The following KIAA1671 variants were observed in gnomAD, a reference collection of about 807,000 sequenced individuals.
The protein encoded by KIAA1671 is uncharacterized protein KIAA1671.
A neutral mutation model predicts 131.2 loss-of-function variants in KIAA1671; 52 were observed. That is an observed-to-expected ratio of 0.40 (90% confidence interval 0.32 to 0.50). The LOEUF (loss-of-function observed/expected upper bound fraction) is 0.50, where lower values mean the gene tolerates loss of function less well. Among genes scored for constraint, KIAA1671 ranks in the 20% least tolerant of loss-of-function variants. KIAA1671 has a pLI of 0.73. For missense variants in KIAA1671, 2,360 were observed against 2,364.2 expected (o/e 1.00, Z 0.04); for synonymous variants, 1,003 against 961.6 (o/e 1.04, Z -0.80).
At chr22:25,107,819 G>A (rs1399444137) in intron 6 of KIAA1671, among the ~76,000 whole-genome samples, 1 of 152,000 alleles carries the variant, frequency 6.6e-6, no homozygotes, top group East Asian at 1.9e-4. Context: ...ACCAGCCTGG[G>A]CAACATGGTG....
At chr22:24,965,758 A>AAAAG (rs1353354542) in intron 1 of KIAA1671, among the ~76,000 whole-genome samples, 7 of 149,154 alleles carry the variant, frequency 4.7e-5, no homozygotes, top group Admixed American at 2.6e-4. Context: ...AAAAAAAAAA[A>AAAAG]AAAGAAAAGG....
chr22:25,179,719 GAC>G (rs1217314409), intron 9 of KIAA1671, among the ~76,000 whole-genome samples: 1 of 152,236 alleles, frequency 6.6e-6, no homozygotes, highest in African/African-American at 2.4e-5. Flanking sequence ...AGTTACAAGA[GAC>G]AGAGACATAG....
At chr22:25,151,533 G>A (rs1429514996) in intron 6 of KIAA1671, among the ~76,000 whole-genome samples, 2 of 149,392 alleles carry the variant, frequency 1.3e-5, no homozygotes, top group Non-Finnish European at 3.0e-5. Flanking sequence ...CTGGGTTCAA[G>A]CGATTCTCAT....
intron 7 of KIAA1671, among the ~76,000 whole-genome samples, chr22:25,172,129 AC>A (rs1352605171): frequency 6.6e-6 from 1 of 151,988 alleles, no homozygotes; most frequent in Non-Finnish European, 1.5e-5. Flanking sequence ...TATCTAGAAT[AC>A]CCCTGCAAGA....
chr22:25,184,962 C>T lies in KIAA1671; in HGVS notation c.5200-15C>T, dbSNP rs770635130. 2 of 1,551,096 alleles carry T rather than the reference C, an allele frequency of 1.3e-6. No individual in the cohort carries two copies. The highest frequency in any genetic ancestry group is 1.7e-6 in the Non-Finnish European group (2 of 1,147,040). On this transcript the variant is annotated splice_polypyrimidine_tract_variant and intron_variant, in intron 10 of 12. Transcript: ENST00000358431. Reference sequence around the variant, plus strand: ...CAAAGGGCAGCTTATAGACTCAGCTCTCTTTTCTCCCCAGGCTCAGCTGCA... The same window carrying T: ...CAAAGGGCAGCTTATAGACTCAGCTTTCTTTTCTCCCCAGGCTCAGCTGCA...
intron 4 of KIAA1671, among the ~76,000 whole-genome samples, chr22:25,037,648 G>C (rs111336112): frequency 0.023 from 3,478 of 151,882 alleles, 63 homozygotes; most frequent in Non-Finnish European, 0.035. Flanking sequence ...TTGTGTCCTC[G>C]TCTCCCATTC....
At chr22:24,989,041 A>G (rs1300758349) in intron 1 of KIAA1671, among the ~76,000 whole-genome samples, 1 of 152,064 alleles carries the variant, frequency 6.6e-6, no homozygotes, top group Non-Finnish European at 1.5e-5. Context: ...GGCCCAGTAC[A>G]CTCACCACTT....
chr22:25,017,565 G>A (rs1925396263), intron 1 of KIAA1671, among the ~76,000 whole-genome samples: 1 of 152,132 alleles, frequency 6.6e-6, no homozygotes, highest in Admixed American at 6.5e-5. Flanking sequence ...TCCTACGTCA[G>A]TTGCATGATA....
chr22:25,118,285 C>G (rs1451663042), intron 6 of KIAA1671, among the ~76,000 whole-genome samples: 7 of 152,044 alleles, frequency 4.6e-5, no homozygotes, highest in African/African-American at 1.7e-4. Context: ...CTGCCTCTAT[C>G]TTCATGTCAC....
intron 12 of KIAA1671, 113 bp downstream of exon 12, chr22:25,190,897 T>G: frequency 1.5e-6 from 1 of 662,732 alleles, no homozygotes. Flanking sequence ...GGAAAGAGGC[T>G]GTGTAAGGGG....
At chr22:25,144,384 A>C (rs1932847107) in intron 6 of KIAA1671, among the ~76,000 whole-genome samples, 1 of 152,052 alleles carries the variant, frequency 6.6e-6, no homozygotes, top group Admixed American at 6.6e-5. Flanking sequence ...CTGCAGATAC[A>C]CCTGGCTCCC....
At position 24,967,777 on chromosome 22, in the gene KIAA1671, G is replaced by A. The variant is rs535760545; in HGVS notation, c.-208+15005G>A. Among the ~76,000 whole-genome samples, 252 of 152,336 alleles carry A rather than the reference G, an allele frequency of 1.7e-3. 2 individuals carry two copies. The Middle Eastern group carries it at 0.02, about 12-fold the overall frequency. ...GGAGGCCAAGGTGGGCGGATCATGA[G>A]GTCAGGAGATCGAGACCATCCTGGC... On this transcript the variant is annotated intron_variant, in intron 1 of 12. Coordinates refer to ENST00000358431, the MANE Select transcript of KIAA1671 (RefSeq NM_001145206.2).
At chr22:25,069,666 A>G (rs1377217115) in intron 6 of KIAA1671, among the ~76,000 whole-genome samples, 5 of 152,038 alleles carry the variant, frequency 3.3e-5, no homozygotes, top group South Asian at 2.1e-4. Context: ...GGATGGCCAC[A>G]CCCTCCTTCT....
At chr22:25,143,354 T>C (rs1388752033) in intron 6 of KIAA1671, among the ~76,000 whole-genome samples, 1 of 152,222 alleles carries the variant, frequency 6.6e-6, no homozygotes, top group African/African-American at 2.4e-5. Flanking sequence ...GCTGAGCACA[T>C]GGCAGATGTG....
chr22:25,141,631 G>GA (rs1341613157), intron 6 of KIAA1671, among the ~76,000 whole-genome samples: 2 of 152,020 alleles, frequency 1.3e-5, no homozygotes, highest in Non-Finnish European at 2.9e-5. Flanking sequence ...GTAATCAGGG[G>GA]AAAAAACCCT....
intron 7 of KIAA1671, among the ~76,000 whole-genome samples, chr22:25,172,908 C>T (rs1388391602): frequency 6.6e-6 from 1 of 152,152 alleles, no homozygotes; most frequent in African/African-American, 2.4e-5. Flanking sequence ...TCACCTTTAA[C>T]AAGGTGAATA....
At chr22:25,094,599 C>T (rs111701586) in intron 6 of KIAA1671, among the ~76,000 whole-genome samples, 1 of 152,172 alleles carries the variant, frequency 6.6e-6, no homozygotes, top group African/African-American at 2.4e-5. Flanking sequence ...GGCCTTCCTC[C>T]AGCAGCCTCT....
rs573208578 is a variant in KIAA1671, at chr22:25,194,975, A to G, written c.*2574A>G. 8 of 152,340 alleles carry G rather than the reference A, an allele frequency of 5.3e-5. No individual in the cohort carries two copies. In the East Asian group the frequency reaches 1.5e-3, roughly 29 times the overall value. 9.4% of individuals were successfully genotyped at this position (152,340 alleles called of 1,614,324 possible). On this transcript the variant is annotated 3_prime_UTR_variant, in exon 13 of 13. Coordinates refer to ENST00000358431, the MANE Select transcript of KIAA1671 (RefSeq NM_001145206.2). ...TTGAGGCTAAGCAAGGAGGCGTTGT[A>G]TGCTAGTTTCTAGACTTTGCCTGGA...
At position 25,196,092 on chromosome 22, in the gene KIAA1671, G is replaced by A. The variant is rs1336476947; in HGVS notation, c.*3691G>A. 1.3e-5 allele frequency: 2 copies of A among 152,146 alleles called. No homozygotes were observed. Among genetic ancestry groups the A allele is most frequent in the Non-Finnish European group, 2.9e-5 (2 of 68,036 alleles). The allele number at this position is 152,146 out of a possible 1,614,324, so 9.4% of individuals were successfully genotyped here. A position where few individuals can be genotyped will look rare whatever the true frequency, so the allele number is the denominator to read the frequency against. On this transcript the variant is annotated 3_prime_UTR_variant, in exon 13 of 13. Coordinates refer to ENST00000358431, the MANE Select transcript of KIAA1671 (RefSeq NM_001145206.2). ...AAGTTTAGAGCCACGTAAAAAGCTG[G>A]TAGGCATGAGTGTGCCAGGTCTTTG...
Sources: gnomAD v4.1 joint callset for allele counts (sites outside exome capture counted in the v4.1 genomes callset) on GRCh38, gnomAD v4.1.1 for gene constraint, MANE v1.5 for transcripts, NCBI Gene and HGNC (gene_info 2026-07-23, HGNC 2026-07-21) for gene names.